Variants in DOCK3 observed in about 807,000 individuals in gnomAD.
The protein encoded by DOCK3 is dedicator of cytokinesis 3, also known as dedicator of cytokinesis protein 3.
Under a neutral mutation model 265.6 loss-of-function variants are expected in DOCK3, and 60 were observed. The ratio of observed to expected loss-of-function variants is 0.23; its 90% CI spans 0.18 to 0.28. The LOEUF is 0.28. Ranked by LOEUF, DOCK3 falls within the 10% of genes least tolerant of loss-of-function variation. The pLI is 1.00. For missense variants in DOCK3, 1,981 were observed against 2,594.3 expected (o/e 0.76, Z 5.14); for synonymous variants, 881 against 938.0 (o/e 0.94, Z 1.11).
intron 12 of DOCK3, among the ~76,000 whole-genome samples, chr3:51,168,620 A>C (rs1269670694): frequency 1.3e-5 from 2 of 152,172 alleles, no homozygotes; most frequent in Non-Finnish European, 2.9e-5. Flanking sequence ...TAAGCATGAA[A>C]CCCGAAACTA....
intron 5 of DOCK3, among the ~76,000 whole-genome samples, chr3:50,955,947 A>C (rs2076717554): frequency 1.3e-5 from 2 of 152,136 alleles, no homozygotes; most frequent in Admixed American, 6.5e-5. Flanking sequence ...CTTTTGTTGA[A>C]ATTATCATTT....
chr3:50,806,738 G>A (rs1403740470), intron 2 of DOCK3, among the ~76,000 whole-genome samples: 1 of 152,006 alleles, frequency 6.6e-6, no homozygotes, highest in African/African-American at 2.4e-5. Context: ...AGCCCCATTG[G>A]TGGAGAAGTG....
intron 4 of DOCK3, among the ~76,000 whole-genome samples, chr3:50,917,252 A>G (rs1165127343): frequency 6.6e-6 from 1 of 152,106 alleles, no homozygotes; most frequent in African/African-American, 2.4e-5. Flanking sequence ...GTAGAGATTA[A>G]CCATTCTTTA....
At chr3:51,089,329 T>G in intron 8 of DOCK3, 45 bp downstream of exon 8, 1 of 1,585,312 alleles carries the variant, frequency 6.3e-7, no homozygotes. Flanking sequence ...CTCAACTTTT[T>G]CTGTTAAGAG....
intron 9 of DOCK3, among the ~76,000 whole-genome samples, chr3:51,111,490 T>G (rs2083515358): frequency 6.6e-6 from 1 of 152,178 alleles, no homozygotes; most frequent in Admixed American, 6.5e-5. Flanking sequence ...AAATGATTCC[T>G]TATTCAAGAA....
intron 1 of DOCK3, among the ~76,000 whole-genome samples, chr3:50,720,243 G>A (rs2037390833): frequency 6.6e-6 from 1 of 152,028 alleles, no homozygotes. Flanking sequence ...CACCCAGGTA[G>A]TAAACATAGT....
chr3:51,200,030 C>G (rs1006362559), intron 12 of DOCK3, among the ~76,000 whole-genome samples: 1 of 152,070 alleles, frequency 6.6e-6, no homozygotes, highest in Admixed American at 6.6e-5. Context: ...AAAAACCCAT[C>G]TGTACATCAC....
intron 1 of DOCK3, among the ~76,000 whole-genome samples, chr3:50,734,810 A>G (rs970545729): frequency 1.3e-5 from 2 of 151,910 alleles, no homozygotes; most frequent in African/African-American, 4.8e-5. Context: ...TCACTGTGTT[A>G]GCCAGGATGG....
intron 22 of DOCK3, among the ~76,000 whole-genome samples, chr3:51,256,967 C>T (rs1467997475): frequency 5.9e-5 from 9 of 152,154 alleles, no homozygotes; most frequent in Admixed American, 1.3e-4. Flanking sequence ...AATGCTAGAC[C>T]GGATGTAGAA....
At chr3:50,706,409 A>G (rs1219585740) in intron 1 of DOCK3, among the ~76,000 whole-genome samples, 2 of 152,166 alleles carry the variant, frequency 1.3e-5, no homozygotes, top group African/African-American at 2.4e-5. Context: ...TACTTTGAAT[A>G]TATCATTCTA....
At chr3:50,787,682 T>C in intron 2 of DOCK3, 2 of 1,290,920 alleles carry the variant, frequency 1.5e-6, no homozygotes, top group Non-Finnish European at 2.2e-6. Flanking sequence ...GTAGGGGAAG[T>C]GGTAGCTGCA....
At chr3:51,249,100 TG>T (rs1199887334) in intron 22 of DOCK3, among the ~76,000 whole-genome samples, 249 of 92,916 alleles carry the variant, frequency 2.7e-3, no homozygotes, top group African/African-American at 8.8e-3. Flanking sequence ...GGGAGGGAGG[TG>T]GGGGGGGTCA....
At position 51,374,579 on chromosome 3, in the gene DOCK3, A is replaced by G; in HGVS notation, c.5404A>G (p.Asn1802Asp). ...SAMYPAAILENGQPPNFQRAL... is the reference protein window; with the variant it reads ...SAMYPAAILEDGQPPNFQRAL... The stretch of plus-strand genomic sequence containing the variant: ...CATGTATCCAGCAGCCATCCTGGAG[A>G]ACGGACAGGTAATAGACCCACCACA... Residue 1802 changes from asparagine (N) to aspartate (D), a missense_variant, in exon 50 of 53, where the codon AAC (asparagine) becomes GAC (aspartate). This residue lies in a region of DOCK3 where 1,357 missense variants were observed against 1,866.8 expected (regional missense o/e 0.73). Coordinates refer to ENST00000266037, the MANE Select transcript of DOCK3 (RefSeq NM_004947.5). This position sits in a 1 kb window ranked among gnomAD's most constrained non-coding sequence, Gnocchi z 4.8. 2 of 1,611,848 alleles carry G rather than the reference A, an allele frequency of 1.2e-6. No individual in the cohort carries two copies. Among genetic ancestry groups the G allele is most frequent in the Non-Finnish European group, 1.7e-6 (2 of 1,179,030 alleles).
chr3:50,717,390 T>C (rs2037181817), intron 1 of DOCK3, among the ~76,000 whole-genome samples: 1 of 152,238 alleles, frequency 6.6e-6, no homozygotes, highest in South Asian at 2.1e-4. Flanking sequence ...CTTAGGTAGT[T>C]ACCTTTTTGT....
At chr3:50,763,073 T>C (rs1229365108) in intron 1 of DOCK3, among the ~76,000 whole-genome samples, 1 of 152,076 alleles carries the variant, frequency 6.6e-6, no homozygotes, top group Non-Finnish European at 1.5e-5. Context: ...GATAAGCCCA[T>C]TGTAAAGTCA....
intron 9 of DOCK3, among the ~76,000 whole-genome samples, chr3:51,095,770 A>G (rs2082822198): frequency 7.0e-6 from 1 of 143,488 alleles, no homozygotes; most frequent in African/African-American, 2.6e-5. Context: ...CATATAAAAC[A>G]TTTCATGCTC....
At chr3:50,877,377 G>A in intron 3 of DOCK3, 1 of 513,114 alleles carries the variant, frequency 1.9e-6, no homozygotes. Context: ...TCATAATCCA[G>A]TTATGGTCAG....
chr3:50,762,438 G>A (rs1576362371), intron 1 of DOCK3, among the ~76,000 whole-genome samples: 1 of 152,174 alleles, frequency 6.6e-6, no homozygotes, highest in East Asian at 1.9e-4. Flanking sequence ...ATAATACTTA[G>A]TTTTGGTCAT....
At chr3:51,133,228 A>G (rs1399801930) in intron 9 of DOCK3, among the ~76,000 whole-genome samples, 2 of 151,988 alleles carry the variant, frequency 1.3e-5, no homozygotes, top group African/African-American at 4.8e-5. Context: ...GGTTTGTTAC[A>G]TATGTTACAT....
Sources: allele counts gnomAD v4.1 joint callset (sites outside exome capture counted in the v4.1 genomes callset), GRCh38; gene constraint gnomAD v4.1.1; regional missense constraint gnomAD v4.1.1; non-coding constraint Gnocchi (gnomAD v3.1); transcripts MANE v1.5; gene names NCBI Gene and HGNC (gene_info 2026-07-23, HGNC 2026-07-21).